MIR2052HG: variants seen among roughly 807,000 people sequenced by gnomAD.
MIR2052HG encodes MIR2052 host gene.
At chr8:74,694,474 A>G (rs56041308) in intron 2 of MIR2052HG, among the ~76,000 whole-genome samples, 6,467 of 152,258 alleles carry the variant, frequency 0.042, 471 homozygotes, top group African/African-American at 0.15. Context: ...CTGAAAGACC[A>G]CATAGCTCAC....
chr8:74,693,793 C>T (rs919057553), intron 2 of MIR2052HG, among the ~76,000 whole-genome samples: 2 of 152,082 alleles, frequency 1.3e-5, no homozygotes, highest in Non-Finnish European at 2.9e-5. Flanking sequence ...CCATCCCCTA[C>T]AGCAGCCACA....
At chr8:74,751,888 G>T (rs1809950326) in intron 4 of MIR2052HG, among the ~76,000 whole-genome samples, 1 of 152,172 alleles carries the variant, frequency 6.6e-6, no homozygotes, top group Non-Finnish European at 1.5e-5. Context: ...TTGGTATATG[G>T]AGAGGTTTAA....
intron 2 of MIR2052HG, among the ~76,000 whole-genome samples, chr8:74,695,428 T>C (rs944886179): frequency 6.6e-6 from 1 of 151,784 alleles, no homozygotes; most frequent in Non-Finnish European, 1.5e-5. Flanking sequence ...GGGCAAAAAA[T>C]AGCACAATGA....
intron 4 of MIR2052HG, among the ~76,000 whole-genome samples, chr8:74,723,300 A>T (rs944130926): frequency 6.6e-6 from 1 of 152,212 alleles, no homozygotes; most frequent in Non-Finnish European, 1.5e-5. Context: ...AGCATTTATC[A>T]GTGATGCTTT....
intron 4 of MIR2052HG, among the ~76,000 whole-genome samples, chr8:74,744,365 T>C (rs1197510572): frequency 6.6e-6 from 1 of 152,032 alleles, no homozygotes; most frequent in Non-Finnish European, 1.5e-5. Flanking sequence ...AGGGTACATG[T>C]GCACAATGTG....
chr8:74,668,554 A>C (rs2128737759), intron 2 of MIR2052HG, among the ~76,000 whole-genome samples: 1 of 152,260 alleles, frequency 6.6e-6, no homozygotes, highest in East Asian at 1.9e-4. Context: ...TTCTATCCCT[A>C]CTTTCTAAAG....
chr8:74,605,712 T>C (rs1586885517), intron 1 of MIR2052HG, among the ~76,000 whole-genome samples: 1 of 152,202 alleles, frequency 6.6e-6, no homozygotes, highest in Non-Finnish European at 1.5e-5. Flanking sequence ...GAAAAGAACA[T>C]TTTTGATAGT....
intron 2 of MIR2052HG, among the ~76,000 whole-genome samples, chr8:74,628,203 G>A (rs1808461627): frequency 6.6e-6 from 1 of 152,096 alleles, no homozygotes; most frequent in African/African-American, 2.4e-5. Flanking sequence ...GCAGAGATGA[G>A]GGAAGCATAA....
intron 1 of MIR2052HG, chr8:74,612,513 C>T (rs1233217759): frequency 5.7e-6 from 1 of 175,892 alleles, no homozygotes; most frequent in Non-Finnish European, 1.2e-5. Flanking sequence ...CCCTGCTTGC[C>T]TTCTGCTTGG....
At chr8:74,722,826 A>G (rs1462720174) in intron 4 of MIR2052HG, among the ~76,000 whole-genome samples, 1 of 152,152 alleles carries the variant, frequency 6.6e-6, no homozygotes, top group Non-Finnish European at 1.5e-5. Context: ...AGGAAGGGAG[A>G]TTTCTGAGGG....
intron 4 of MIR2052HG, among the ~76,000 whole-genome samples, chr8:74,725,715 G>GTTC (rs1016602799): frequency 5.3e-5 from 8 of 152,066 alleles, no homozygotes; most frequent in African/African-American, 1.9e-4. Context: ...GTCATTGAAG[G>GTTC]TTCTTCTGCT....
At chr8:74,722,724 T>C (rs1181311536) in intron 4 of MIR2052HG, among the ~76,000 whole-genome samples, 1 of 152,246 alleles carries the variant, frequency 6.6e-6, no homozygotes, top group African/African-American at 2.4e-5. Flanking sequence ...TAGTATTTGT[T>C]AAGAATTCAT....
At chr8:74,727,191 C>T (rs1301122293) in intron 4 of MIR2052HG, among the ~76,000 whole-genome samples, 1 of 152,202 alleles carries the variant, frequency 6.6e-6, no homozygotes, top group Admixed American at 6.5e-5. Flanking sequence ...ATCTGCTCTA[C>T]ATACACAAGA....
intron 4 of MIR2052HG, among the ~76,000 whole-genome samples, chr8:74,717,519 T>G (rs1809532262): frequency 6.6e-6 from 1 of 152,122 alleles, no homozygotes; most frequent in Admixed American, 6.6e-5. Context: ...ATTTGAGAGA[T>G]AATTAAAAGT....
intron 4 of MIR2052HG, among the ~76,000 whole-genome samples, chr8:74,724,889 T>C (rs1256627234): frequency 1.3e-5 from 2 of 152,140 alleles, no homozygotes; most frequent in African/African-American, 2.4e-5. Context: ...GGCATTTGTA[T>C]TGTCCTGGCC....
chr8:74,603,980 T>C (rs771800797), intron 1 of MIR2052HG: 35 of 963,480 alleles, frequency 3.6e-5, no homozygotes, highest in Admixed American at 1.7e-4. Context: ...GCTGTGCTAC[T>C]GGTCATAGAG....
Position 74,603,390 on chromosome 8 carries a change from A to G in MIR2052HG, n.128+3482A>G, listed in dbSNP as rs150059714. Reference sequence around the variant, plus strand: ...CAGATCCAGTGATGGTAACCTGCCTATCAGTAGATCCTTCCACTGGGTTCG... The same window carrying G: ...CAGATCCAGTGATGGTAACCTGCCTGTCAGTAGATCCTTCCACTGGGTTCG... On this transcript the variant is annotated intron_variant and non_coding_transcript_variant, in intron 1 of 6. Transcript: ENST00000523442. 3.2e-3 allele frequency: 5,152 copies of G among 1,610,582 alleles called. 147 individuals carry two copies. In the African/African-American group the frequency reaches 0.061, roughly 19 times the overall value.
intron 2 of MIR2052HG, among the ~76,000 whole-genome samples, chr8:74,655,602 A>C (rs1412347367): frequency 6.6e-6 from 1 of 152,210 alleles, no homozygotes. Context: ...CATAATCTCC[A>C]CCTAGATTTC....
At chr8:74,660,798 G>A (rs1010334742) in intron 2 of MIR2052HG, among the ~76,000 whole-genome samples, 2 of 138,218 alleles carry the variant, frequency 1.4e-5, no homozygotes, top group African/African-American at 2.9e-5. Context: ...ATCTTCCTAA[G>A]AGCCCTGAAA....
Sources: allele counts gnomAD v4.1 joint callset (sites outside exome capture counted in the v4.1 genomes callset), GRCh38; gene constraint gnomAD v4.1.1; transcripts MANE v1.5; gene names NCBI Gene and HGNC (gene_info 2026-07-23, HGNC 2026-07-21).